The following LRP1B variants were observed in gnomAD, a reference collection of about 807,000 sequenced individuals.
The protein encoded by LRP1B is LDL receptor related protein 1B.
A neutral mutation model predicts 556.6 loss-of-function variants in LRP1B; 217 were observed. That is an observed-to-expected ratio of 0.39 (90% CI 0.35 to 0.44). LRP1B has a LOEUF of 0.44. Among genes scored for constraint, LRP1B ranks in the 20% least tolerant of loss-of-function variants. The pLI is 1.00. For missense variants in LRP1B, 5,053 were observed against 5,620.8 expected (o/e 0.90, Z 3.23); for synonymous variants, 2,047 against 1,865.8 (o/e 1.10, Z -2.50).
chr2:140,478,059 A>AACTT (rs1464076005), intron 59 of LRP1B, among the ~76,000 whole-genome samples: 5 of 152,130 alleles, frequency 3.3e-5, no homozygotes, highest in Non-Finnish European at 5.9e-5. Context: ...TGGAAGAAAA[A>AACTT]ACTTATCTTC....
At chr2:140,714,814 C>T (rs557019722) in intron 37 of LRP1B, among the ~76,000 whole-genome samples, 45 of 152,150 alleles carry the variant, frequency 3.0e-4, no homozygotes, top group African/African-American at 9.1e-4. Flanking sequence ...TGCACCACTG[C>T]GCTCCAGCCT....
intron 3 of LRP1B, among the ~76,000 whole-genome samples, chr2:141,321,076 T>G (rs1384717263): frequency 6.6e-6 from 1 of 152,118 alleles, no homozygotes; most frequent in Non-Finnish European, 1.5e-5. Flanking sequence ...AAATCTTCAT[T>G]AAGTAATTAA....
chr2:140,301,740 C>A (rs1332387614), intron 83 of LRP1B, among the ~76,000 whole-genome samples: 1 of 151,312 alleles, frequency 6.6e-6, no homozygotes, highest in Non-Finnish European at 1.5e-5. Context: ...TGTAGTGTTG[C>A]TTATATATAT....
chr2:141,958,850 T>C (rs1409345810), intron 1 of LRP1B, among the ~76,000 whole-genome samples: 9 of 152,146 alleles, frequency 5.9e-5, no homozygotes, highest in Admixed American at 1.3e-4. Flanking sequence ...TAATTCTAAA[T>C]ATACTTTTAT....
intron 7 of LRP1B, among the ~76,000 whole-genome samples, chr2:141,100,052 T>C (rs1392835399): frequency 6.6e-6 from 1 of 152,206 alleles, no homozygotes; most frequent in Non-Finnish European, 1.5e-5. Flanking sequence ...AAGCATCTAC[T>C]CTGGGAGTCT....
intron 2 of LRP1B, among the ~76,000 whole-genome samples, chr2:141,690,645 T>C (rs755257231): frequency 2.8e-4 from 42 of 150,892 alleles, no homozygotes; most frequent in Non-Finnish European, 4.4e-4. Context: ...CTCTTATCTT[T>C]GCTAATCCCA....
At chr2:141,250,326 T>C (rs1192334360) in intron 4 of LRP1B, among the ~76,000 whole-genome samples, 2 of 152,036 alleles carry the variant, frequency 1.3e-5, no homozygotes, top group African/African-American at 4.8e-5. Context: ...GATTAGAGTG[T>C]GGAAACTTTC....
intron 3 of LRP1B, among the ~76,000 whole-genome samples, chr2:141,417,758 AT>A (rs56660575): frequency 0.032 from 4,427 of 136,322 alleles, 76 homozygotes; most frequent in East Asian, 0.098. Context: ...TGGTAGTTCT[AT>A]TTTTTTTTTT....
chr2:141,286,768 T>C (rs1396775357), intron 3 of LRP1B: 3 of 438,714 alleles, frequency 6.8e-6, no homozygotes, highest in South Asian at 4.7e-5. Context: ...ACATTTGTAC[T>C]TGTACATTGT....
chr2:140,426,108 T>C (rs999141666), intron 66 of LRP1B, among the ~76,000 whole-genome samples: 2 of 152,336 alleles, frequency 1.3e-5, no homozygotes, highest in South Asian at 4.1e-4. Flanking sequence ...CCTGAAATGT[T>C]AAAGTGCTTG....
chr2:140,683,800 T>A, intron 41 of LRP1B: 1 of 875,976 alleles, frequency 1.1e-6, no homozygotes, highest in Non-Finnish European at 1.8e-6. Flanking sequence ...AAAGCCAGCC[T>A]CCGGGCTAGG....
Position 141,019,953 on chromosome 2 carries a change from G to T in LRP1B, c.1939C>A (p.Pro647Thr), listed in dbSNP as rs1212643436. 6.2e-7 allele frequency: 1 copy of T among 1,609,552 alleles called. No individual in the cohort carries two copies. The highest frequency in any genetic ancestry group is 1.7e-5 in the Admixed American group (1 of 59,666). Reference sequence around the variant, plus strand: ...ACTGGATCCACCACAATTCCTCTGGGATGAGACATTTCACCCTCTAAAAGA... The same window carrying T: ...ACTGGATCCACCACAATTCCTCTGGTATGAGACATTTCACCCTCTAAAAGA... ...KTLLEGEMSH[P>T]RGIVVDPVNG... The change falls in exon 12 of 91, where the codon CCC (proline) becomes ACC (threonine). Residue 647 changes from proline (P) to threonine (T), a missense_variant. Around this residue, in one of 5 missense-constraint regions of LRP1B, gnomAD observed 3,619 missense variants for 3,931.9 expected, o/e 0.92. Coordinates refer to ENST00000389484, the MANE Select transcript of LRP1B (RefSeq NM_018557.3).
At chr2:140,318,804 T>G (rs926722738) in intron 82 of LRP1B, among the ~76,000 whole-genome samples, 5 of 152,182 alleles carry the variant, frequency 3.3e-5, no homozygotes, top group Non-Finnish European at 7.4e-5. Context: ...GCTTCCATTT[T>G]ATCTGTAAAA....
At chr2:140,709,314 C>A (rs1686948515) in intron 37 of LRP1B, among the ~76,000 whole-genome samples, 1 of 151,978 alleles carries the variant, frequency 6.6e-6, no homozygotes, top group African/African-American at 2.4e-5. Context: ...TCCTATACAT[C>A]TTTTCATTGT....
At chr2:140,874,367 G>A (rs887220477) in intron 25 of LRP1B, among the ~76,000 whole-genome samples, 2 of 151,872 alleles carry the variant, frequency 1.3e-5, no homozygotes, top group African/African-American at 4.8e-5. Flanking sequence ...AGATAGTAAT[G>A]CTCTCCTTCA....
chr2:140,473,744 T>C (rs1687859418), intron 60 of LRP1B, among the ~76,000 whole-genome samples: 1 of 151,838 alleles, frequency 6.6e-6, no homozygotes, highest in African/African-American at 2.4e-5. Context: ...TAGTAGAAAG[T>C]AATACATATA....
intron 1 of LRP1B, among the ~76,000 whole-genome samples, chr2:141,837,215 C>T (rs532709970): frequency 5.3e-5 from 8 of 152,020 alleles, no homozygotes; most frequent in Middle Eastern, 3.4e-3. Flanking sequence ...GTTCTAAGAC[C>T]ACTAAGAAAT....
intron 2 of LRP1B, among the ~76,000 whole-genome samples, chr2:141,786,272 G>A (rs931925763): frequency 6.6e-6 from 1 of 151,840 alleles, no homozygotes; most frequent in African/African-American, 2.4e-5. Flanking sequence ...ATTAACTACT[G>A]GATTATAACT....
intron 22 of LRP1B, among the ~76,000 whole-genome samples, chr2:140,903,939 T>TA (rs1694176966): frequency 6.6e-6 from 1 of 151,308 alleles, no homozygotes. Flanking sequence ...TGATTACACA[T>TA]ATGATTACAT....
Sources: allele counts gnomAD v4.1 joint callset (sites outside exome capture counted in the v4.1 genomes callset), GRCh38; gene constraint gnomAD v4.1.1; regional missense constraint gnomAD v4.1.1; transcripts MANE v1.5; gene names NCBI Gene and HGNC (gene_info 2026-07-23, HGNC 2026-07-21).